CDH4: variants seen among roughly 807,000 people sequenced by gnomAD.
CDH4 encodes cadherin-4.
A neutral mutation model predicts 86.0 loss-of-function variants in CDH4; 33 were observed. That is an observed-to-expected ratio of 0.38 (90% CI 0.29 to 0.51). CDH4 has a LOEUF of 0.51. Ranked by LOEUF, CDH4 falls within the 20% of genes least tolerant of loss-of-function variation. The pLI is 0.86. For missense variants in CDH4, 1,114 were observed against 1,307.4 expected (o/e 0.85, Z 2.28); for synonymous variants, 555 against 549.4 (o/e 1.01, Z -0.14).
intron 13 of CDH4, 54 bp from the exon 14 acceptor site, chr20:61,932,910 GACACATGGCAAACACAGAGGC>G: frequency 6.4e-7 from 1 of 1,559,592 alleles, no homozygotes; most frequent in Non-Finnish European, 8.7e-7. Flanking sequence ...TGCCCACATA[GACACATGGCAAACACAGAGGC>G]ACACATGCGC....
intron 8 of CDH4, among the ~76,000 whole-genome samples, chr20:61,904,687 G>A (rs2054769569): frequency 6.6e-6 from 1 of 152,214 alleles, no homozygotes; most frequent in Admixed American, 6.5e-5. Flanking sequence ...TGACACAGAG[G>A]GGACCACCCT....
intron 6 of CDH4, among the ~76,000 whole-genome samples, chr20:61,864,266 T>G (rs1343610570): frequency 6.6e-6 from 1 of 152,204 alleles, no homozygotes; most frequent in Non-Finnish European, 1.5e-5. Flanking sequence ...TCCTGGCCTC[T>G]GGAGCTGACG....
intron 2 of CDH4, among the ~76,000 whole-genome samples, chr20:61,273,430 G>A (rs2084198591): frequency 1.0e-5 from 1 of 96,446 alleles, no homozygotes; most frequent in African/African-American, 4.1e-5. Context: ...TGTGCAGTTT[G>A]GGGGAGGACC....
At chr20:61,870,250 A>T (rs1338424724) in intron 6 of CDH4, among the ~76,000 whole-genome samples, 1 of 152,198 alleles carries the variant, frequency 6.6e-6, no homozygotes, top group East Asian at 1.9e-4. Context: ...GCAGCAGGCC[A>T]TCCGTGAGAT....
At chr20:61,888,570 G>A (rs193252914) in intron 7 of CDH4, among the ~76,000 whole-genome samples, 3 of 152,370 alleles carry the variant, frequency 2.0e-5, no homozygotes, top group Middle Eastern at 6.8e-3. Context: ...CAAGGCCTCA[G>A]GCCCAGCGAA....
chr20:61,496,254 T>C (rs2085661512), intron 2 of CDH4, among the ~76,000 whole-genome samples: 1 of 151,976 alleles, frequency 6.6e-6, no homozygotes, highest in Non-Finnish European at 1.5e-5. Flanking sequence ...AATTAAAAAT[T>C]AGCTGGGCAT....
intron 13 of CDH4, among the ~76,000 whole-genome samples, chr20:61,931,304 C>T: frequency 6.6e-6 from 1 of 152,252 alleles, no homozygotes; most frequent in Non-Finnish European, 1.5e-5. Context: ...GCTCCTCCCT[C>T]CGCCTGCACT....
chr20:61,841,770 C>T (rs925318557), intron 4 of CDH4, among the ~76,000 whole-genome samples: 2 of 149,878 alleles, frequency 1.3e-5, no homozygotes, highest in Admixed American at 1.3e-4. Context: ...TGTGTGTGCG[C>T]GCGTGCGCGC....
In CDH4 at chr20:61,595,538, C is replaced by A. The variant is rs2086551260; in HGVS notation, c.170-148025C>A. 2.6e-5 allele frequency among the ~76,000 whole-genome samples: 4 copies of A among 151,966 alleles called. No homozygotes were observed. The South Asian group carries it at 8.3e-4, about 32-fold the overall frequency. Reference sequence around the variant, plus strand: ...CCCCGTGGGGCCCTCCCTTTTGTGTCCCCTGGAACAAACAATAAGAACTGC... The same window carrying A: ...CCCCGTGGGGCCCTCCCTTTTGTGTACCCTGGAACAAACAATAAGAACTGC... On this transcript the variant is annotated intron_variant, in intron 2 of 15. Transcript: ENST00000614565.
chr20:61,871,011 A>C (rs1212171408), intron 6 of CDH4, among the ~76,000 whole-genome samples: 1 of 151,408 alleles, frequency 6.6e-6, no homozygotes, highest in Non-Finnish European at 1.5e-5. Flanking sequence ...TCCTTTATAT[A>C]AACATTACGT....
At chr20:61,258,329 CAAAA>C (rs778048684) in intron 2 of CDH4, among the ~76,000 whole-genome samples, 1 of 62,350 alleles carries the variant, frequency 1.6e-5, no homozygotes, top group Admixed American at 2.5e-4. Flanking sequence ...GACTCCGTCT[CAAAA>C]AAAAAAAAAA....
intron 8 of CDH4, among the ~76,000 whole-genome samples, chr20:61,900,107 C>T (rs902018540): frequency 4.0e-5 from 6 of 151,228 alleles, no homozygotes; most frequent in Admixed American, 6.5e-5. Flanking sequence ...TGGCCAGCCT[C>T]AGCGGGGGGG....
intron 2 of CDH4, among the ~76,000 whole-genome samples, chr20:61,629,222 G>A (rs1164380685): frequency 2.0e-5 from 3 of 152,178 alleles, no homozygotes; most frequent in East Asian, 1.9e-4. Flanking sequence ...GCCAGGCGGT[G>A]CAGGCCAGGG....
At chr20:61,287,488 AAG>A (rs1157322120) in intron 2 of CDH4, among the ~76,000 whole-genome samples, 1 of 152,028 alleles carries the variant, frequency 6.6e-6, no homozygotes, top group East Asian at 1.9e-4. Context: ...AAGAAGAAAA[AAG>A]AGTGCTTATG....
At chr20:61,809,751 G>A (rs192525453) in intron 4 of CDH4, among the ~76,000 whole-genome samples, 38 of 152,344 alleles carry the variant, frequency 2.5e-4, no homozygotes, top group African/African-American at 8.7e-4. Context: ...TTCATTGCTG[G>A]GAGGCTGTTT....
chr20:61,702,887 A>C (rs2145887631), intron 2 of CDH4, among the ~76,000 whole-genome samples: 1 of 152,302 alleles, frequency 6.6e-6, no homozygotes, highest in Middle Eastern at 3.4e-3. Flanking sequence ...TGCAAAGCAA[A>C]TCAGGCCTGG....
chr20:61,565,100 G>GGTGGTAGTGGTC (rs1337020404), intron 2 of CDH4, among the ~76,000 whole-genome samples: 2 of 116,972 alleles, frequency 1.7e-5, no homozygotes, highest in African/African-American at 6.4e-5. Context: ...TCTTGGTGGT[G>GGTGGTAGTGGTC]CTCTTGGTGG....
At chr20:61,404,680 C>A (rs1483305700) in intron 2 of CDH4, among the ~76,000 whole-genome samples, 1 of 151,802 alleles carries the variant, frequency 6.6e-6, no homozygotes, top group Non-Finnish European at 1.5e-5. Context: ...TGTGAAACAT[C>A]CCGAGGCTTC....
intron 2 of CDH4, among the ~76,000 whole-genome samples, chr20:61,646,506 C>A (rs191276675): frequency 1.3e-5 from 2 of 152,316 alleles, no homozygotes; most frequent in Non-Finnish European, 2.9e-5. Context: ...CCTGTGTGAC[C>A]CTGGGCCAGC....
Sources: gnomAD v4.1 joint callset for allele counts (sites outside exome capture counted in the v4.1 genomes callset) on GRCh38, gnomAD v4.1.1 for gene constraint, MANE v1.5 for transcripts, NCBI Gene and HGNC (gene_info 2026-07-23, HGNC 2026-07-21) for gene names.